RBPJ: variants seen among roughly 807,000 people sequenced by gnomAD.
RBPJ encodes recombining binding protein suppressor of hairless.
A neutral mutation model predicts 67.8 loss-of-function variants in RBPJ; 9 were observed. That is an observed-to-expected ratio of 0.13 (90% CI 0.08 to 0.23). RBPJ has a LOEUF of 0.23. Among genes scored for constraint, RBPJ ranks in the 10% least tolerant of loss-of-function variants. RBPJ has a pLI of 1.00. For missense variants in RBPJ, 305 were observed against 595.6 expected (o/e 0.51, Z 5.08); for synonymous variants, 198 against 203.3 (o/e 0.97, Z 0.22).
intron 1 of RBPJ, among the ~76,000 whole-genome samples, chr4:26,290,206 G>A (rs1721620998): frequency 6.7e-6 from 1 of 148,530 alleles, no homozygotes; most frequent in Non-Finnish European, 1.5e-5. Flanking sequence ...GGGCATGGTG[G>A]TACATGCCTG....
At chr4:26,208,846 G>T (rs201641287) in intron 1 of RBPJ, among the ~76,000 whole-genome samples, 2 of 152,120 alleles carry the variant, frequency 1.3e-5, no homozygotes, top group East Asian at 3.9e-4. Flanking sequence ...GTGACTGGGA[G>T]CTCTGTCATA....
intron 1 of RBPJ, among the ~76,000 whole-genome samples, chr4:26,370,853 G>A (rs905475633): frequency 1.3e-4 from 20 of 151,996 alleles, no homozygotes; most frequent in African/African-American, 3.9e-4. Flanking sequence ...GACCGAGGCC[G>A]GCAGATCACG....
At chr4:26,115,522 C>G in the RBPJ span, among the ~76,000 whole-genome samples, 1 of 152,126 alleles carries the variant, frequency 6.6e-6, no homozygotes, top group Non-Finnish European at 1.5e-5. Context: ...GAAGCTGGGA[C>G]TACAGGCGCG....
At chr4:26,142,386 G>A in the RBPJ span, among the ~76,000 whole-genome samples, 11 of 152,210 alleles carry the variant, frequency 7.2e-5, no homozygotes, top group Non-Finnish European at 1.5e-4. Flanking sequence ...CAGCCAGAGT[G>A]GAGGCCAGTG....
At chr4:26,246,030 G>T (rs1219353503) in intron 1 of RBPJ, among the ~76,000 whole-genome samples, 1 of 152,120 alleles carries the variant, frequency 6.6e-6, no homozygotes, top group Non-Finnish European at 1.5e-5. Context: ...TTAAAAGATT[G>T]TTATAGTTAT....
the RBPJ span, among the ~76,000 whole-genome samples, chr4:26,125,237 T>C: frequency 6.6e-6 from 1 of 152,180 alleles, no homozygotes; most frequent in Non-Finnish European, 1.5e-5. Context: ...AACATGTGGG[T>C]AGCTGCTGAA....
In RBPJ at chr4:26,231,408, A is replaced by G. The variant is rs527986319; in HGVS notation, c.-167+67794A>G. 2.7e-3 allele frequency among the ~76,000 whole-genome samples: 408 copies of G among 149,064 alleles called. 2 individuals are homozygous for G. The highest frequency in any genetic ancestry group is 9.5e-3 in the African/African-American group (389 of 40,808). On this transcript the variant is annotated intron_variant, in intron 1 of 4. Transcript: ENST00000512351. Reference sequence around the variant, plus strand: ...TTTTTTTAACTTTTTACTTTTTTTAATTGCACTTTTTTTTTTTTTTTAGAC... The same window carrying G: ...TTTTTTTAACTTTTTACTTTTTTTAGTTGCACTTTTTTTTTTTTTTTAGAC...
the RBPJ span, among the ~76,000 whole-genome samples, chr4:26,133,967 A>G: frequency 6.6e-6 from 1 of 152,106 alleles, no homozygotes; most frequent in African/African-American, 2.4e-5. Context: ...TCCAACAGGG[A>G]CTGTCAGAGG....
the RBPJ span, among the ~76,000 whole-genome samples, chr4:26,116,928 G>T: frequency 6.6e-6 from 1 of 152,196 alleles, no homozygotes; most frequent in African/African-American, 2.4e-5. Context: ...TCATTGAGAT[G>T]CACGGGAACC....
the RBPJ span, among the ~76,000 whole-genome samples, chr4:26,145,995 C>T: frequency 2.0e-5 from 3 of 152,258 alleles, no homozygotes; most frequent in Admixed American, 1.3e-4. Context: ...TGAGTGCAAT[C>T]GTATGATCAT....
intron 1 of RBPJ, among the ~76,000 whole-genome samples, chr4:26,304,580 T>A (rs1013079092): frequency 1.1e-3 from 174 of 152,350 alleles, no homozygotes; most frequent in African/African-American, 4.0e-3. Flanking sequence ...GATTTGCTTT[T>A]TCCATGATGG....
intron 1 of RBPJ, among the ~76,000 whole-genome samples, chr4:26,179,731 G>C (rs1378495642): frequency 1.3e-5 from 2 of 152,184 alleles, no homozygotes; most frequent in African/African-American, 2.4e-5. Flanking sequence ...GTGTAAATTA[G>C]TTCAACCACT....
At chr4:26,427,309 G>A (rs1416639428) in intron 7 of RBPJ, among the ~76,000 whole-genome samples, 1 of 152,186 alleles carries the variant, frequency 6.6e-6, no homozygotes, top group African/African-American at 2.4e-5. Context: ...GAAGGATCAA[G>A]TTTAGGAGGA....
intron 1 of RBPJ, among the ~76,000 whole-genome samples, chr4:26,347,685 T>C (rs1388837141): frequency 6.6e-6 from 1 of 152,158 alleles, no homozygotes; most frequent in Non-Finnish European, 1.5e-5. Context: ...GGTGTTAAGG[T>C]AGAGCTTTGA....
the RBPJ span, among the ~76,000 whole-genome samples, chr4:26,149,146 G>A: frequency 6.6e-6 from 1 of 152,212 alleles, no homozygotes; most frequent in Non-Finnish European, 1.5e-5. Context: ...TTTTTCCAGA[G>A]TCATAAGGGA....
chr4:26,252,966 T>G (rs1311661346), intron 1 of RBPJ, among the ~76,000 whole-genome samples: 2 of 152,236 alleles, frequency 1.3e-5, no homozygotes, highest in South Asian at 2.1e-4. Flanking sequence ...TCACTAGAGA[T>G]TTATAATAAT....
rs1223088682 is a variant in RBPJ, at chr4:26,283,097, A to AT, written c.-166-79342dup. Among the ~76,000 whole-genome samples, 9 of 148,562 alleles carry AT rather than the reference A, an allele frequency of 6.1e-5. No homozygotes were observed. The East Asian group carries it at 1.4e-3, about 24-fold the overall frequency. On this transcript the variant is annotated intron_variant, in intron 1 of 4. Transcript: ENST00000512351. The stretch of plus-strand genomic sequence containing the variant: ...AGGCACCTGCCACCACGCCCAGCTA[A>AT]TTTTTTTATTTTTAGTAGAGACAGG...
chr4:26,252,872 G>A lies in RBPJ; in HGVS notation c.-167+89258G>A, dbSNP rs149333547. ...GAGAATAAATGATTCATAAAAATGG[G>A]CATATTAGAAAGCCTGGGCCTAGGA... is the stretch of plus-strand genomic sequence containing the variant. On this transcript the variant is annotated intron_variant, in intron 1 of 4. Transcript: ENST00000512351. Among the ~76,000 whole-genome samples the A allele has an allele frequency of 3.9e-3, 592 of 152,236 alleles. 1 individual carries two copies. Among genetic ancestry groups the A allele is most frequent in the Middle Eastern group, 0.01 (3 of 294 alleles).
intron 1 of RBPJ, chr4:26,272,606 A>G (rs1720950501): frequency 4.8e-6 from 2 of 417,538 alleles, no homozygotes; most frequent in Non-Finnish European, 9.3e-6. Flanking sequence ...AAAATAAATA[A>G]AAAACAAAAC....
Sources: allele counts gnomAD v4.1 joint callset (sites outside exome capture counted in the v4.1 genomes callset), GRCh38; gene constraint gnomAD v4.1.1; transcripts MANE v1.5; gene names NCBI Gene and HGNC (gene_info 2026-07-23, HGNC 2026-07-21).